CSMD1: variants seen among roughly 807,000 people sequenced by gnomAD.
The protein encoded by CSMD1 is CUB and Sushi multiple domains 1.
A neutral mutation model predicts 417.5 loss-of-function variants in CSMD1; 213 were observed. That is an observed-to-expected ratio of 0.51 (90% confidence interval 0.46 to 0.57). The LOEUF is 0.57. Ranked by LOEUF, CSMD1 falls within the 20% of genes least tolerant of loss-of-function variation. The pLI, the probability that CSMD1 is intolerant of heterozygous loss-of-function variation, is 0.00. For missense variants in CSMD1, 6,923 were observed against 4,529.7 expected, an observed-to-expected ratio of 1.53 and a Z score of -15.17; for synonymous variants, 2,862 against 1,736.8, an observed-to-expected ratio of 1.65 and a Z score of -16.11.
chr8:3,057,205 T>C (rs1031133012), intron 49 of CSMD1, among the ~76,000 whole-genome samples: 1 of 152,178 alleles, frequency 6.6e-6, no homozygotes, highest in Admixed American at 6.5e-5. Flanking sequence ...GTATCATATA[T>C]AATTTTTCAA....
At chr8:3,980,101 G>GT (rs1016717891) in intron 5 of CSMD1, among the ~76,000 whole-genome samples, 13 of 147,770 alleles carry the variant, frequency 8.8e-5, no homozygotes, top group Admixed American at 6.0e-4. Flanking sequence ...ACTTTTGTCT[G>GT]TTTTTTCTAG....
At chr8:4,388,959 T>A (rs184365642) in intron 3 of CSMD1, among the ~76,000 whole-genome samples, 2 of 152,312 alleles carry the variant, frequency 1.3e-5, no homozygotes. Context: ...TCTACGTCTC[T>A]TACCTCACAC....
At chr8:3,531,605 C>G (rs745606768) in intron 10 of CSMD1, among the ~76,000 whole-genome samples, 18 of 152,240 alleles carry the variant, frequency 1.2e-4, no homozygotes, top group Middle Eastern at 3.4e-3. Context: ...CCGTGGGAGG[C>G]TGGTCCACTC....
chr8:3,760,963 T>C (rs1052512759), intron 5 of CSMD1, among the ~76,000 whole-genome samples: 3 of 151,422 alleles, frequency 2.0e-5, no homozygotes, highest in African/African-American at 7.3e-5. Context: ...TGCTTTTTCT[T>C]TTTTTTTTGC....
rs188488593 is a variant in CSMD1, at chr8:3,994,557, G to A, written c.818+3346C>T. On this transcript the variant is annotated intron_variant, in intron 5 of 69. Transcript: ENST00000635120. ...CATGCTATAAAGTGAACTCAAAATGGCAACTCTCTGTTAAAGCAAGGGATT... is the reference window on the plus strand; with the variant it reads ...CATGCTATAAAGTGAACTCAAAATGACAACTCTCTGTTAAAGCAAGGGATT... Among the ~76,000 whole-genome samples the A allele has an allele frequency of 1.3e-3, 195 of 151,558 alleles. 1 individual carries two copies. Among genetic ancestry groups the A allele is most frequent in the South Asian group, 0.011 (53 of 4,810 alleles).
At chr8:2,977,246 C>G (rs1423728304) in intron 55 of CSMD1, among the ~76,000 whole-genome samples, 1 of 152,216 alleles carries the variant, frequency 6.6e-6, no homozygotes, top group Admixed American at 6.5e-5. Context: ...AGCTATTTAT[C>G]CTGATGCTCT....
intron 5 of CSMD1, among the ~76,000 whole-genome samples, chr8:3,770,474 A>G (rs920021794): frequency 6.6e-6 from 1 of 152,206 alleles, no homozygotes; most frequent in Admixed American, 6.5e-5. Flanking sequence ...GATTGCAGTG[A>G]GCCAAGATCA....
chr8:4,349,613 C>T (rs571121187), intron 3 of CSMD1, among the ~76,000 whole-genome samples: 5 of 152,198 alleles, frequency 3.3e-5, no homozygotes, highest in African/African-American at 4.8e-5. Context: ...AAAGCTGTTA[C>T]GTCTCCCTGA....
At chr8:3,611,951 G>A (rs1801913925) in intron 8 of CSMD1, among the ~76,000 whole-genome samples, 2 of 152,034 alleles carry the variant, frequency 1.3e-5, no homozygotes, top group African/African-American at 4.8e-5. Context: ...GACATCATTT[G>A]CCAATTTTTG....
intron 3 of CSMD1, among the ~76,000 whole-genome samples, chr8:4,416,201 C>A (rs80083046): frequency 0.025 from 3,744 of 152,216 alleles, 70 homozygotes; most frequent in South Asian, 0.078. Context: ...TGTTTTGATT[C>A]AGAGCTGCTG....
intron 5 of CSMD1, among the ~76,000 whole-genome samples, chr8:3,776,085 A>G (rs1009327958): frequency 2.6e-5 from 4 of 151,398 alleles, no homozygotes; most frequent in Non-Finnish European, 5.9e-5. Flanking sequence ...ATACAAATCT[A>G]CTCTTTCCCC....
At chr8:4,088,552 C>G (rs1800544116) in intron 3 of CSMD1, among the ~76,000 whole-genome samples, 2 of 152,150 alleles carry the variant, frequency 1.3e-5, no homozygotes, top group Non-Finnish European at 2.9e-5. Flanking sequence ...TCTCTCAAAC[C>G]TTAAAAAGAA....
chr8:4,841,403 C>A (rs80273977), intron 1 of CSMD1, among the ~76,000 whole-genome samples: 4,761 of 152,196 alleles, frequency 0.031, 251 homozygotes, highest in African/African-American at 0.11. Flanking sequence ...CTTTTCTGCC[C>A]TTTTTATTCT....
intron 5 of CSMD1, among the ~76,000 whole-genome samples, chr8:3,967,730 A>T (rs1380319302): frequency 6.6e-6 from 1 of 152,188 alleles, no homozygotes; most frequent in South Asian, 2.1e-4. Context: ...GATGAGTCCA[A>T]CAAAGGCCAA....
intron 59 of CSMD1, among the ~76,000 whole-genome samples, chr8:2,964,398 G>C (rs756019384): frequency 1.3e-5 from 2 of 152,206 alleles, no homozygotes; most frequent in South Asian, 4.1e-4. Context: ...TCTGGCCCAA[G>C]GGAATGTCCA....
At chr8:3,738,771 C>A (rs1370253099) in intron 6 of CSMD1, among the ~76,000 whole-genome samples, 1 of 152,198 alleles carries the variant, frequency 6.6e-6, no homozygotes, top group Admixed American at 6.5e-5. Context: ...AATAAAACAA[C>A]CTCCGTCAAC....
intron 46 of CSMD1, among the ~76,000 whole-genome samples, chr8:3,102,845 C>T (rs1441023145): frequency 6.6e-6 from 1 of 152,206 alleles, no homozygotes; most frequent in African/African-American, 2.4e-5. Flanking sequence ...CTAGGCTTCT[C>T]CTGGGCCTTG....
At chr8:3,887,155 C>A (rs1035413344) in intron 5 of CSMD1, among the ~76,000 whole-genome samples, 1 of 152,042 alleles carries the variant, frequency 6.6e-6, no homozygotes, top group African/African-American at 2.4e-5. Flanking sequence ...TGATGGCATG[C>A]GTAGAGGGTA....
At chr8:3,078,148 C>T (rs1056296191) in intron 49 of CSMD1, among the ~76,000 whole-genome samples, 2 of 152,162 alleles carry the variant, frequency 1.3e-5, no homozygotes, top group African/African-American at 4.8e-5. Context: ...ATGCATAGGA[C>T]CCTTGATTCT....
Sources: gnomAD v4.1 joint callset for allele counts (sites outside exome capture counted in the v4.1 genomes callset) on GRCh38, gnomAD v4.1.1 for gene constraint, MANE v1.5 for transcripts, NCBI Gene and HGNC (gene_info 2026-07-23, HGNC 2026-07-21) for gene names.